JAM3: variants seen among roughly 807,000 people sequenced by gnomAD.
JAM3 encodes junctional adhesion molecule 3, also known as junctional adhesion molecule C.
JAM3 carries 31 observed loss-of-function variants against 39.4 expected under a neutral mutation model. That is an observed-to-expected ratio of 0.79 (90% CI 0.59 to 1.06). The LOEUF is 1.06. JAM3 is among the 50% of genes least tolerant of loss of function. The pLI is 0.00. For missense variants in JAM3, 455 were observed against 391.4 expected (o/e 1.16, Z -1.37); for synonymous variants, 182 against 148.7 (o/e 1.22, Z -1.63).
In JAM3 at chr11:134,148,541, C is replaced by T. The variant is rs746851076; in HGVS notation, c.713-6C>T. 19 of 1,614,028 alleles carry T rather than the reference C, an allele frequency of 1.2e-5. No homozygotes were observed. Among genetic ancestry groups the T allele is most frequent in the Non-Finnish European group, 1.6e-5 (19 of 1,180,034 alleles). ...CATGGCTTCCACCAAACCTCCTTTT[C>T]TTCAGATGACCTGAACATTGGCGGA... On this transcript the variant is annotated splice_region_variant and splice_polypyrimidine_tract_variant and intron_variant, in intron 6 of 8. Transcript: ENST00000299106.
At chr11:134,137,318 T>C (rs1187673867) in intron 1 of JAM3, among the ~76,000 whole-genome samples, 1 of 152,254 alleles carries the variant, frequency 6.6e-6, no homozygotes. Context: ...TTTTATGTCC[T>C]CTAGTTCACC....
intron 1 of JAM3, among the ~76,000 whole-genome samples, chr11:134,112,277 G>T (rs1028513643): frequency 6.6e-6 from 1 of 152,094 alleles, no homozygotes; most frequent in African/African-American, 2.4e-5. Flanking sequence ...TAGTAGAGAC[G>T]GGGTTTAACC....
chr11:134,119,920 C>A (rs1942502561), intron 1 of JAM3, among the ~76,000 whole-genome samples: 1 of 152,138 alleles, frequency 6.6e-6, no homozygotes, highest in Non-Finnish European at 1.5e-5. Context: ...CAAAATATAA[C>A]CAGGACTTCA....
intron 1 of JAM3, among the ~76,000 whole-genome samples, chr11:134,106,216 T>A (rs1176491248): frequency 2.6e-5 from 4 of 152,136 alleles, no homozygotes; most frequent in Non-Finnish European, 5.9e-5. Context: ...ATCTGATCTT[T>A]GACAAACCTG....
chr11:134,105,240 C>T (rs1247659069), intron 1 of JAM3, among the ~76,000 whole-genome samples: 1 of 152,110 alleles, frequency 6.6e-6, no homozygotes, highest in African/African-American at 2.4e-5. Context: ...TAAACAGAAC[C>T]AAAGACAAAA....
At chr11:134,138,690 A>G (rs1942918505) in intron 1 of JAM3, among the ~76,000 whole-genome samples, 2 of 152,248 alleles carry the variant, frequency 1.3e-5, no homozygotes, top group Admixed American at 6.5e-5. Context: ...ACAAAATAAC[A>G]TTATCTTCAC....
intron 1 of JAM3, among the ~76,000 whole-genome samples, chr11:134,125,471 G>T (rs1489546254): frequency 6.6e-6 from 1 of 152,160 alleles, no homozygotes; most frequent in East Asian, 1.9e-4. Context: ...GTTCTGGATA[G>T]ATTTTAATAT....
At chr11:134,141,305 G>T (rs893880691) in intron 3 of JAM3, among the ~76,000 whole-genome samples, 1 of 152,138 alleles carries the variant, frequency 6.6e-6, no homozygotes, top group Non-Finnish European at 1.5e-5. Context: ...GTGAAGGGTG[G>T]CTGGTTAGCA....
At chr11:134,071,890 A>T (rs932559965) in intron 1 of JAM3, among the ~76,000 whole-genome samples, 3 of 152,218 alleles carry the variant, frequency 2.0e-5, no homozygotes, top group African/African-American at 7.2e-5. Flanking sequence ...TCAGCTGCTC[A>T]TTCCCACATG....
chr11:134,122,503 C>T (rs921754349), intron 1 of JAM3, among the ~76,000 whole-genome samples: 1 of 152,228 alleles, frequency 6.6e-6, no homozygotes, highest in Non-Finnish European at 1.5e-5. Context: ...TGCAGAAATG[C>T]TGCTACACCG....
chr11:134,133,502 A>C (rs572904682), intron 1 of JAM3, among the ~76,000 whole-genome samples: 1 of 152,248 alleles, frequency 6.6e-6, no homozygotes, highest in Non-Finnish European at 1.5e-5. Context: ...TTTATCTTGA[A>C]AGGATTGTTG....
intron 1 of JAM3, among the ~76,000 whole-genome samples, chr11:134,133,631 G>A (rs1003080434): frequency 4.6e-5 from 7 of 152,084 alleles, no homozygotes; most frequent in Non-Finnish European, 1.0e-4. Context: ...CCACTTGTTA[G>A]GTACTTAACT....
chr11:134,105,303 G>C (rs562888557), intron 1 of JAM3, among the ~76,000 whole-genome samples: 1 of 152,062 alleles, frequency 6.6e-6, no homozygotes, highest in Non-Finnish European at 1.5e-5. Context: ...AAATTCAACA[G>C]CCCTTCATGC....
At chr11:134,143,039 T>C (rs755860638) in intron 3 of JAM3, among the ~76,000 whole-genome samples, 2 of 152,252 alleles carry the variant, frequency 1.3e-5, no homozygotes, top group Non-Finnish European at 2.9e-5. Context: ...CTATTATCAG[T>C]AATGCTGCTA....
chr11:134,146,411 C>CTG (rs1943072298), intron 6 of JAM3, among the ~76,000 whole-genome samples: 2 of 151,866 alleles, frequency 1.3e-5, no homozygotes. Flanking sequence ...AGAAAACTGA[C>CTG]AGTTTTAGCC....
chr11:134,126,673 A>G (rs539336497), intron 1 of JAM3, among the ~76,000 whole-genome samples: 22 of 152,350 alleles, frequency 1.4e-4, no homozygotes, highest in Middle Eastern at 6.8e-3. Context: ...CAGGAAGTCT[A>G]TGACAGAGCT....
chr11:134,131,168 A>G (rs1326154289), intron 1 of JAM3, among the ~76,000 whole-genome samples: 4 of 139,764 alleles, frequency 2.9e-5, no homozygotes. Context: ...TAGCTAAGAG[A>G]TGAAGGAGTA....
chr11:134,133,742 C>A (rs1384602951), intron 1 of JAM3, among the ~76,000 whole-genome samples: 1 of 152,094 alleles, frequency 6.6e-6, no homozygotes, highest in Non-Finnish European at 1.5e-5. Context: ...AAGACTGAGA[C>A]CTAATCATAG....
chr11:134,123,718 C>T (rs573718420), intron 1 of JAM3: 13 of 547,936 alleles, frequency 2.4e-5, no homozygotes, highest in Non-Finnish European at 3.7e-5. Context: ...AGTAGTGAAT[C>T]CATCACTACT....
Sources: gnomAD v4.1 joint callset for allele counts (sites outside exome capture counted in the v4.1 genomes callset) on GRCh38, gnomAD v4.1.1 for gene constraint, MANE v1.5 for transcripts, NCBI Gene and HGNC (gene_info 2026-07-23, HGNC 2026-07-21) for gene names.